The following C4orf54 variants were observed in gnomAD, a reference collection of about 807,000 sequenced individuals.
C4orf54 encodes the protein chromosome 4 open reading frame 54, also known as uncharacterized protein C4orf54.
Under a neutral mutation model 80.1 loss-of-function variants are expected in C4orf54, and 67 were observed. That is an observed-to-expected ratio of 0.84 (90% CI 0.69 to 1.03). C4orf54 has a LOEUF of 1.03. Ranked by LOEUF, C4orf54 falls within the 50% of genes least tolerant of loss-of-function variation. C4orf54 has a pLI of 0.00. For synonymous variants in C4orf54, 1,000 were observed against 917.0 expected (o/e 1.09, Z -1.64); for missense variants, 2,434 against 2,253.5 (o/e 1.08, Z -1.62).
Position 99,654,006 on chromosome 4 carries a change from G to C in C4orf54, c.643C>G (p.Leu215Val). ...CTCTGACCCCCAGGGCAGTGCCCCA[G>C]GGTAAGTTTCATGGTCTGGGGACTC... Reference protein sequence around the residue: ...RESPQTMKLTLGHCPGGQRAS... With the variant: ...RESPQTMKLTVGHCPGGQRAS... Residue 215 changes from leucine to valine, a missense_variant, in exon 2 of 3, where the codon CTG becomes GTG. Coordinates refer to ENST00000511828, the MANE Select transcript of C4orf54 (RefSeq NM_001354435.2). 1 of 1,536,116 alleles carries C rather than the reference G, an allele frequency of 6.5e-7. No homozygotes were observed. The highest frequency in any genetic ancestry group is 8.7e-7 in the Non-Finnish European group (1 of 1,146,890).
Position 99,652,774 on chromosome 4 carries a change from G to A in C4orf54, c.1875C>T (p.Asn625=), listed in dbSNP as rs1162798909. ...GGCTCCGGAAGGCCCGGGAGGTCAG[G>A]TTACGCACCTCTTTGTCCGCATCGT... ...ELDDADKEVR[N]LTSRAFRSLA... is the part of the protein sequence containing the mutation. Residue 625 remains asparagine (N), a synonymous_variant, in exon 2 of 3, where the codon AAC becomes AAT. Coordinates refer to ENST00000511828, the MANE Select transcript of C4orf54 (RefSeq NM_001354435.2). 1.3e-6 allele frequency: 2 copies of A among 1,536,008 alleles called. No individual in the cohort carries two copies. The highest frequency in any genetic ancestry group is 2.7e-5 in the African/African-American group (2 of 73,042).
At chr4:99,641,858 A>G (rs1034828577) in intron 2 of C4orf54, among the ~76,000 whole-genome samples, 3 of 152,110 alleles carry the variant, frequency 2.0e-5, no homozygotes, top group Non-Finnish European at 4.4e-5. Context: ...TTGATATTTG[A>G]ACATAATATT....
In C4orf54 at chr4:99,649,986, G is replaced by T. The variant is rs775874190; in HGVS notation, c.4663C>A (p.Pro1555Thr). 2 of 1,535,348 alleles carry T rather than the reference G, an allele frequency of 1.3e-6. No homozygotes were observed. Among genetic ancestry groups the T allele is most frequent in the East Asian group, 2.4e-5 (1 of 40,874 alleles). The change falls in exon 2 of 3, where the codon CCC (proline) becomes ACC (threonine). Residue 1555 changes from proline to threonine, a missense_variant. Transcript: ENST00000511828. ...APPGPQSPEH[P>T]PTTIYHQPPL... ...GGCTGGTGGTAGATGGTGGTGGGGG[G>T]ATGCTCGGGGCTCTGTGGCCCTGGG...
At chr4:99,641,354 G>A (rs1726604413) in intron 2 of C4orf54, among the ~76,000 whole-genome samples, 158 bp from the exon 3 acceptor site, 2 of 152,008 alleles carry the variant, frequency 1.3e-5, no homozygotes, top group African/African-American at 4.8e-5. Context: ...ATTTTAACAT[G>A]TGCTTGGCAA....
intron 2 of C4orf54, among the ~76,000 whole-genome samples, chr4:99,647,911 A>C (rs1726727351): frequency 1.3e-5 from 2 of 152,136 alleles, no homozygotes; most frequent in Non-Finnish European, 2.9e-5. Context: ...AGTGATGCTA[A>C]CTCCCGAATG....
In C4orf54 at chr4:99,654,555, G is replaced by A. The variant is rs755555624; in HGVS notation, c.94C>T (p.Arg32Trp). Reference protein sequence around the residue: ...DGIQTPRCCRRCQANNWTGQL... With the variant: ...DGIQTPRCCRWCQANNWTGQL... ...CCTGTCCAGTTGTTTGCCTGGCACC[G>A]TCGGCAGCAGCGAGGAGTCTGAATG... is the stretch of plus-strand genomic sequence containing the variant. The change falls in exon 2 of 3, where the codon CGG becomes TGG. Residue 32 changes from arginine to tryptophan, a missense_variant. Transcript: ENST00000511828. 14 of 702,970 alleles carry A rather than the reference G, an allele frequency of 2.0e-5. No individual in the cohort carries two copies. The highest frequency in any genetic ancestry group is 5.9e-5 in the South Asian group (4 of 67,606). The allele number at this position is 702,970 out of a possible 1,614,324, so 43.5% of individuals were successfully genotyped here.
rs1726852976 is a variant in C4orf54, at chr4:99,652,179, C to A, written c.2470G>T (p.Glu824Ter). 8 of 1,535,942 alleles carry A rather than the reference C, an allele frequency of 5.2e-6. No homozygotes were observed. Among genetic ancestry groups the A allele is most frequent in the Admixed American group, 2.0e-5 (1 of 50,986 alleles). ...KNVISKKMQR[E>*]HEFKMERGEV... is the part of the protein sequence containing the mutation. ...CCCCTCTCCATTTTGAACTCGTGTT[C>A]CCGCTGCATCTTCTTGGAAATGACA... The change falls in exon 2 of 3, where the codon GAA becomes TAA. Residue 824 changes from glutamate to a stop codon, truncating the protein, a stop_gained. Coordinates refer to ENST00000511828, the MANE Select transcript of C4orf54 (RefSeq NM_001354435.2). LOFTEE classifies it high-confidence loss of function.
In C4orf54 at chr4:99,651,962, G is replaced by A; in HGVS notation, c.2687C>T (p.Pro896Leu). 1 of 1,536,142 alleles carries A rather than the reference G, an allele frequency of 6.5e-7. No homozygotes were observed. The highest frequency in any genetic ancestry group is 8.7e-7 in the Non-Finnish European group (1 of 1,146,912). The change falls in exon 2 of 3, where the codon CCA (proline) becomes CTA (leucine). Residue 896 changes from proline to leucine, a missense_variant. Coordinates refer to ENST00000511828, the MANE Select transcript of C4orf54 (RefSeq NM_001354435.2). Reference sequence around the variant, plus strand: ...GCGAGGAGTACTGGCTTTGAAGACTGGAGATTTGGAGCCCGCCACGGACCC... The same window carrying A: ...GCGAGGAGTACTGGCTTTGAAGACTAGAGATTTGGAGCCCGCCACGGACCC... ...GEGSVAGSKSPVFKASTPRER... is the reference protein window; with the variant it reads ...GEGSVAGSKSLVFKASTPRER...
At position 99,653,479 on chromosome 4, in the gene C4orf54, G is replaced by A. The variant is rs1481300510; in HGVS notation, c.1170C>T (p.Ser390=). Residue 390 remains serine (S), a synonymous_variant, in exon 2 of 3, where the codon TCC becomes TCT. Transcript: ENST00000511828. The part of the protein sequence containing the change: ...QDMDFDVGLA[S]RWDFEDNNVI... ...CGTTGTTGTCCTCGAAATCCCAGCGGGAGGCCAGTCCCACGTCGAAATCCA... is the reference window on the plus strand; with the variant it reads ...CGTTGTTGTCCTCGAAATCCCAGCGAGAGGCCAGTCCCACGTCGAAATCCA... 6.5e-7 allele frequency: 1 copy of A among 1,536,134 alleles called. No homozygotes were observed. The highest frequency in any genetic ancestry group is 2.0e-5 in the Admixed American group (1 of 51,000).
chr4:99,649,265 C>T lies in C4orf54; in HGVS notation c.*2G>A, dbSNP rs887103081. ...TTCATTCCGCTTCCTGGTGGCTGCT[C>T]ATCATCTGTGTTCTACCACAAAGCT... On this transcript the variant is annotated 3_prime_UTR_variant, in exon 2 of 3. Transcript: ENST00000511828. 14 of 1,500,992 alleles carry T rather than the reference C, an allele frequency of 9.3e-6. No homozygotes were observed. Among genetic ancestry groups the T allele is most frequent in the Middle Eastern group, 1.7e-4 (1 of 5,838 alleles). 93.0% of individuals were successfully genotyped at this position (1,500,992 alleles called of 1,614,324 possible). A position where few individuals can be genotyped will look rare whatever the true frequency, so the allele number is the denominator to read the frequency against.
rs1268723401 is a variant in C4orf54 at position 99,649,518 on chromosome 4, C to T, written c.5131G>A (p.Ala1711Thr). 2.0e-5 allele frequency: 30 copies of T among 1,535,992 alleles called. No homozygotes were observed. The highest frequency in any genetic ancestry group is 2.6e-5 in the Non-Finnish European group (30 of 1,146,918). ...GCTGCCTCTTTGCTGGAAGGTTCTG[C>T]CACCATTGGGGAGAGCTCACTTCCT... The part of the protein sequence containing the change: ...PRGSELSPMV[A>T]EPSSKEAAAT... Residue 1711 changes from alanine to threonine, a missense_variant, in exon 2 of 3, where the codon GCA becomes ACA. Ala to Thr is a moderately conservative substitution (Grantham distance 58). Transcript: ENST00000511828.
In C4orf54 at chr4:99,654,080, C is replaced by T. The variant is rs533091518; in HGVS notation, c.569G>A (p.Arg190Gln). 4.6e-6 allele frequency: 7 copies of T among 1,536,104 alleles called. No individual in the cohort carries two copies. Among genetic ancestry groups the T allele is most frequent in the Non-Finnish European group, 6.1e-6 (7 of 1,146,910 alleles). Residue 190 changes from arginine to glutamine, a missense_variant, in exon 2 of 3, where the codon CGA becomes CAA. Arg to Gln is a conservative substitution (Grantham distance 43). Coordinates refer to ENST00000511828, the MANE Select transcript of C4orf54 (RefSeq NM_001354435.2). ...PLPKPSASSQ[R>Q]EAKYVDMCAS... ...ACACATGTCCACATATTTCGCTTCTCGCTGGGAGGAGGCTGAAGGCTTGGG... is the reference window on the plus strand; with the variant it reads ...ACACATGTCCACATATTTCGCTTCTTGCTGGGAGGAGGCTGAAGGCTTGGG...
At chr4:99,656,517 G>T (rs1726981700) in intron 1 of C4orf54, among the ~76,000 whole-genome samples, 1 of 152,136 alleles carries the variant, frequency 6.6e-6, no homozygotes, top group South Asian at 2.1e-4. Context: ...GACCTCAGGT[G>T]ATCCACTCGT....
In C4orf54 at chr4:99,651,857, G is replaced by T; in HGVS notation, c.2792C>A (p.Thr931Asn). ...VCEIKKSASE[T>N]VKGIFLRSQN... is the part of the protein sequence containing the mutation. ...ACTACGGAGGAAGATGCCCTTGACG[G>T]TCTCTGAGGCACTCTTTTTAATTTC... The change falls in exon 2 of 3, where the codon ACC becomes AAC. Residue 931 changes from threonine to asparagine, a missense_variant. Coordinates refer to ENST00000511828, the MANE Select transcript of C4orf54 (RefSeq NM_001354435.2). 6.5e-7 allele frequency: 1 copy of T among 1,536,094 alleles called. No homozygotes were observed. The highest frequency in any genetic ancestry group is 8.7e-7 in the Non-Finnish European group (1 of 1,146,906).
rs1726820290 is a variant in C4orf54 at position 99,651,270 on chromosome 4, C to T, written c.3379G>A (p.Glu1127Lys). The T allele has an allele frequency of 1.4e-5, 21 of 1,536,048 alleles. No homozygotes were observed. Among genetic ancestry groups the T allele is most frequent in the Non-Finnish European group, 1.7e-5 (20 of 1,146,922 alleles). ...DSSDKGSVTP[E>K]QGLTGPKPRQ... ...GGTTTGGGTCCAGTCAGCCCCTGCT[C>T]TGGGGTAACACTGCCCTTGTCACTA... is the stretch of plus-strand genomic sequence containing the variant. The change falls in exon 2 of 3, where the codon GAG becomes AAG. Residue 1127 changes from glutamate to lysine, a missense_variant. By Grantham distance (56) the Glu-to-Lys change is moderately conservative (BLOSUM62 1). Coordinates refer to ENST00000511828, the MANE Select transcript of C4orf54 (RefSeq NM_001354435.2).
chr4:99,653,946 C>A lies in C4orf54; in HGVS notation c.703G>T (p.Glu235Ter). ...SRSPKEKAQD[E>*]PSSKTPSPQN... The stretch of plus-strand genomic sequence containing the variant: ...GGGCTTGGAGTCTTGCTGCTGGGTT[C>A]ATCTTGGGCTTTCTCCTTTGGGCTC... Residue 235 changes from glutamate to a stop codon, truncating the protein, a stop_gained, in exon 2 of 3, where the codon GAA becomes TAA. Coordinates refer to ENST00000511828, the MANE Select transcript of C4orf54 (RefSeq NM_001354435.2). LOFTEE classifies it high-confidence loss of function. 2.0e-6 allele frequency: 3 copies of A among 1,536,246 alleles called. No homozygotes were observed. The highest frequency in any genetic ancestry group is 1.2e-5 in the South Asian group (1 of 84,046).
rs988725021 is a variant in C4orf54, at chr4:99,652,016, A to G, written c.2633T>C (p.Val878Ala). 1 of 1,536,052 alleles carries G rather than the reference A, an allele frequency of 6.5e-7. No individual in the cohort carries two copies. The highest frequency in any genetic ancestry group is 8.7e-7 in the Non-Finnish European group (1 of 1,146,878). The change falls in exon 2 of 3, where the codon GTG (valine) becomes GCG (alanine). Residue 878 changes from valine (V) to alanine (A), a missense_variant. Physicochemically the swap from Val to Ala is moderately conservative, Grantham distance 64. Transcript: ENST00000511828. ...CCCGCCCGCGTCGGACATGCTGACC[A>G]CTGTGTACTCGGAGCCGGCCTCGGA... Reference protein sequence around the residue: ...RHSEAGSEYTVVSMSDAGGEG... With the variant: ...RHSEAGSEYTAVSMSDAGGEG...
chr4:99,650,202 C>T lies in C4orf54; in HGVS notation c.4447G>A (p.Glu1483Lys), dbSNP rs1371388405. The stretch of plus-strand genomic sequence containing the variant: ...GAAGCCCCAGGCCTGCTAAGAAGCT[C>T]CCCTGCAGCAGAGCTTCCTTTAAGA... ...IPLKGSSAAG[E>K]LLSRPGASRE... The change falls in exon 2 of 3, where the codon GAG becomes AAG. Residue 1483 changes from glutamate (E) to lysine (K), a missense_variant. By Grantham distance (56) the Glu-to-Lys change is moderately conservative (BLOSUM62 1). Transcript: ENST00000511828. 2.6e-6 allele frequency: 4 copies of T among 1,535,922 alleles called. No individual in the cohort carries two copies. The highest frequency in any genetic ancestry group is 2.7e-5 in the African/African-American group (2 of 73,004).
chr4:99,652,222 G>T lies in C4orf54; in HGVS notation c.2427C>A (p.Ala809=). Residue 809 remains alanine (A), a synonymous_variant, in exon 2 of 3, where the codon GCC becomes GCA. Transcript: ENST00000511828. ...RADGPQKSKF[A]SSLLKNVISK... ...AAATGACATTTTTGAGCAGACTGGA[G>T]GCGAACTTGGACTTCTGGGGGCCAT... 6.5e-7 allele frequency: 1 copy of T among 1,535,986 alleles called. No homozygotes were observed. Among genetic ancestry groups the T allele is most frequent in the Non-Finnish European group, 8.7e-7 (1 of 1,146,850 alleles).
Sources: allele counts gnomAD v4.1 joint callset (sites outside exome capture counted in the v4.1 genomes callset), GRCh38; gene constraint gnomAD v4.1.1; transcripts MANE v1.5; gene names NCBI Gene and HGNC (gene_info 2026-07-23, HGNC 2026-07-21).